The following PLCH1 variants were observed in gnomAD, a reference collection of about 807,000 sequenced individuals.
The protein encoded by PLCH1 is 1-phosphatidylinositol 4,5-bisphosphate phosphodiesterase eta-1.
A neutral mutation model predicts 126.7 loss-of-function variants in PLCH1; 60 were observed. That is an observed-to-expected ratio of 0.47 (90% CI 0.38 to 0.59). The LOEUF is 0.59. PLCH1 is among the 20% of genes least tolerant of loss of function. The pLI, the probability that PLCH1 is intolerant of heterozygous loss-of-function variation, is 0.00. For missense variants in PLCH1, 1,723 were observed against 2,040.0 expected (o/e 0.84, Z 2.99); for synonymous variants, 719 against 734.9 (o/e 0.98, Z 0.35).
At chr3:155,696,260 C>T (rs1745790552) in intron 2 of PLCH1, among the ~76,000 whole-genome samples, 1 of 152,114 alleles carries the variant, frequency 6.6e-6, no homozygotes, top group Non-Finnish European at 1.5e-5. Flanking sequence ...TAAAACATGT[C>T]ACAGATCTCT....
At chr3:155,576,166 G>A (rs1306661468) in intron 6 of PLCH1, among the ~76,000 whole-genome samples, 1 of 152,178 alleles carries the variant, frequency 6.6e-6, no homozygotes, top group Non-Finnish European at 1.5e-5. Flanking sequence ...AAATGGATAG[G>A]AACTCTGGAG....
downstream of PLCH1, among the ~76,000 whole-genome samples, chr3:155,474,889 G>A (rs1277460693): frequency 8.1e-6 from 1 of 124,034 alleles, no homozygotes; most frequent in Non-Finnish European, 1.6e-5. Context: ...AGATCACATG[G>A]ACACAGGAAG....
At chr3:155,547,845 A>G (rs1401217621) in intron 10 of PLCH1, among the ~76,000 whole-genome samples, 1 of 138,940 alleles carries the variant, frequency 7.2e-6, no homozygotes, top group Non-Finnish European at 1.5e-5. Context: ...AACAACGAGA[A>G]CACATGGACA....
intron 18 of PLCH1, among the ~76,000 whole-genome samples, chr3:155,491,455 G>A (rs1716191539): frequency 6.6e-6 from 1 of 151,908 alleles, no homozygotes; most frequent in Admixed American, 6.6e-5. Flanking sequence ...TAGAGATGGG[G>A]TTTTGCCATG....
At chr3:155,560,081 G>C (rs924745310) in intron 8 of PLCH1, among the ~76,000 whole-genome samples, 1 of 152,276 alleles carries the variant, frequency 6.6e-6, no homozygotes, top group East Asian at 1.9e-4. Context: ...GAGAAGCCTA[G>C]GTATCTGAAA....
At chr3:155,524,463 T>G (rs1721639223) in intron 10 of PLCH1, among the ~76,000 whole-genome samples, 1 of 152,208 alleles carries the variant, frequency 6.6e-6, no homozygotes, top group Admixed American at 6.6e-5. Flanking sequence ...GTTAAGATGT[T>G]AGGTAGATTT....
intron 1 of PLCH1, among the ~76,000 whole-genome samples, chr3:155,717,920 G>C (rs1270700283): frequency 6.6e-6 from 1 of 152,112 alleles, no homozygotes; most frequent in Admixed American, 6.5e-5. Context: ...ACAAGGCCAG[G>C]CTGTGAATTT....
At chr3:155,656,252 A>G (rs546915763) in intron 2 of PLCH1, among the ~76,000 whole-genome samples, 1 of 151,570 alleles carries the variant, frequency 6.6e-6, no homozygotes, top group South Asian at 2.1e-4. Flanking sequence ...GCTTCAAAGG[A>G]TAGATCATCC....
chr3:155,558,021 T>C (rs1727064977), intron 8 of PLCH1, among the ~76,000 whole-genome samples: 1 of 152,230 alleles, frequency 6.6e-6, no homozygotes, highest in Non-Finnish European at 1.5e-5. Context: ...ATCCATTTGA[T>C]TTGCTGACAA....
chr3:155,587,169 G>A (rs1268868336), intron 4 of PLCH1, among the ~76,000 whole-genome samples: 2 of 152,152 alleles, frequency 1.3e-5, no homozygotes, highest in Admixed American at 1.3e-4. Flanking sequence ...TAGCAGGAAT[G>A]GCCCAGTATT....
intron 2 of PLCH1, among the ~76,000 whole-genome samples, chr3:155,684,811 A>G (rs1028951618): frequency 2.0e-5 from 3 of 152,224 alleles, no homozygotes; most frequent in African/African-American, 7.2e-5. Context: ...CCTTGATGAA[A>G]GAGAAAGTAG....
At chr3:155,687,510 A>G (rs1745044308) in intron 2 of PLCH1, among the ~76,000 whole-genome samples, 1 of 152,194 alleles carries the variant, frequency 6.6e-6, no homozygotes, top group African/African-American at 2.4e-5. Context: ...TATCAGAAAC[A>G]TGGTGCCTAC....
intron 2 of PLCH1, among the ~76,000 whole-genome samples, chr3:155,602,741 C>A (rs1733895595): frequency 6.6e-6 from 1 of 152,110 alleles, no homozygotes; most frequent in South Asian, 2.1e-4. Context: ...TCACAGGAAC[C>A]ACTGTCATAT....
chr3:155,655,347 T>C (rs1038387333), intron 2 of PLCH1, among the ~76,000 whole-genome samples: 7 of 151,960 alleles, frequency 4.6e-5, no homozygotes, highest in Admixed American at 3.3e-4. Context: ...AGAACGATCA[T>C]TCAAGCCCAG....
chr3:155,707,723 T>C (rs77122162), intron 1 of PLCH1, among the ~76,000 whole-genome samples: 1,759 of 151,608 alleles, frequency 0.012, 31 homozygotes, highest in African/African-American at 0.041. Flanking sequence ...AGATGTGGGG[T>C]AATTTGTTAC....
chr3:155,581,923 A>AT (rs1730746122), intron 6 of PLCH1, among the ~76,000 whole-genome samples: 1 of 150,766 alleles, frequency 6.6e-6, no homozygotes, highest in Non-Finnish European at 1.5e-5. Context: ...CTAATTTTGT[A>AT]TTTTTAGTAG....
chr3:155,714,454 C>T (rs993717356), intron 1 of PLCH1, among the ~76,000 whole-genome samples: 2 of 152,194 alleles, frequency 1.3e-5, no homozygotes, highest in African/African-American at 4.8e-5. Flanking sequence ...GGTTTCTAAG[C>T]ACCACCAAAC....
At chr3:155,512,733 A>T (rs1228607473) in intron 12 of PLCH1, among the ~76,000 whole-genome samples, 2 of 152,172 alleles carry the variant, frequency 1.3e-5, no homozygotes. Context: ...GAAAGGAAGG[A>T]TCTTATGGGC....
chr3:155,664,044 C>T (rs1742465073), intron 2 of PLCH1, among the ~76,000 whole-genome samples: 2 of 152,050 alleles, frequency 1.3e-5, no homozygotes, highest in South Asian at 2.1e-4. Context: ...ATTTGCTAAC[C>T]GATGAGTTGA....
Sources: gnomAD v4.1 joint callset for allele counts (sites outside exome capture counted in the v4.1 genomes callset) on GRCh38, gnomAD v4.1.1 for gene constraint, MANE v1.5 for transcripts, NCBI Gene and HGNC (gene_info 2026-07-23, HGNC 2026-07-21) for gene names.